The following FAM78B variants were observed in gnomAD, a reference collection of about 807,000 sequenced individuals.
The protein encoded by FAM78B is family with sequence similarity 78 member B, also known as protein FAM78B.
FAM78B carries 10 observed loss-of-function variants against 20.0 expected under a neutral mutation model. That is an observed-to-expected ratio of 0.50 (90% confidence interval 0.31 to 0.85). The LOEUF (loss-of-function observed/expected upper bound fraction) is 0.85. FAM78B is among the 40% of genes least tolerant of loss of function. The pLI is 0.05. For missense variants in FAM78B, 283 were observed against 345.0 expected (o/e 0.82, Z 1.42); for synonymous variants, 135 against 132.8 (o/e 1.02, Z -0.12).
chr1:166,081,709 GGCCC>G (rs1316103988), intron 1 of FAM78B, among the ~76,000 whole-genome samples: 1 of 152,140 alleles, frequency 6.6e-6, no homozygotes, highest in Admixed American at 6.5e-5. Context: ...ACAGGAGTAA[GGCCC>G]TGCTTATGCC....
intron 1 of FAM78B, among the ~76,000 whole-genome samples, chr1:166,112,114 G>C (rs990457371): frequency 4.6e-5 from 7 of 152,214 alleles, no homozygotes; most frequent in African/African-American, 1.4e-4. Context: ...AATTCTTGGG[G>C]TATATCTGTC....
At chr1:166,154,763 A>T (rs775467908) in intron 1 of FAM78B, 1 of 510,950 alleles carries the variant, frequency 2.0e-6, no homozygotes, top group Non-Finnish European at 4.0e-6. Flanking sequence ...AGGCCCATGG[A>T]CCTGAGTCTG....
intron 1 of FAM78B, among the ~76,000 whole-genome samples, chr1:166,109,205 C>T (rs921670164): frequency 1.1e-4 from 16 of 152,146 alleles, no homozygotes; most frequent in South Asian, 1.0e-3. Context: ...AAAGAACAGT[C>T]AGCAGAGTAA....
chr1:166,149,291 G>A (rs935345688), intron 1 of FAM78B, among the ~76,000 whole-genome samples: 1 of 152,146 alleles, frequency 6.6e-6, no homozygotes, highest in African/African-American at 2.4e-5. Context: ...TACATTCACT[G>A]AATTGAACTG....
intron 1 of FAM78B, among the ~76,000 whole-genome samples, chr1:166,094,173 C>G (rs1218295423): frequency 6.6e-6 from 1 of 152,008 alleles, no homozygotes; most frequent in East Asian, 1.9e-4. Flanking sequence ...GCCATCAGAA[C>G]AGATAGCACT....
intron 1 of FAM78B, among the ~76,000 whole-genome samples, chr1:166,086,767 G>A (rs1019578435): frequency 1.4e-4 from 22 of 152,158 alleles, no homozygotes; most frequent in African/African-American, 4.8e-4. Flanking sequence ...GTCTTACCAG[G>A]CAGATGCCAG....
intron 1 of FAM78B, among the ~76,000 whole-genome samples, chr1:166,085,322 C>G (rs1184960921): frequency 6.6e-6 from 1 of 152,124 alleles, no homozygotes; most frequent in African/African-American, 2.4e-5. Context: ...CTGGGCAGCT[C>G]AGGGGAAGGG....
intron 1 of FAM78B, among the ~76,000 whole-genome samples, chr1:166,138,512 G>A (rs756297790): frequency 2.0e-5 from 3 of 152,174 alleles, no homozygotes; most frequent in Non-Finnish European, 4.4e-5. Flanking sequence ...ACCATTGAGA[G>A]GAGGTCATGA....
chr1:166,149,410 A>C (rs9787239), intron 1 of FAM78B, among the ~76,000 whole-genome samples: 24 of 152,112 alleles, frequency 1.6e-4, no homozygotes, highest in African/African-American at 5.5e-4. Context: ...TCACCTGTAA[A>C]GTCAAGGAAG....
chr1:166,114,034 C>G (rs1354321749), intron 1 of FAM78B, among the ~76,000 whole-genome samples: 1 of 152,228 alleles, frequency 6.6e-6, no homozygotes, highest in Non-Finnish European at 1.5e-5. Context: ...CATGCAAATC[C>G]TTTACAAAAC....
At chr1:166,105,459 G>C (rs1339692890) in intron 1 of FAM78B, among the ~76,000 whole-genome samples, 1 of 152,116 alleles carries the variant, frequency 6.6e-6, no homozygotes, top group Non-Finnish European at 1.5e-5. Flanking sequence ...CTACTCATCT[G>C]ACAAAGGGCT....
chr1:166,062,062 C>T (rs545727890), intron 2 of FAM78B, among the ~76,000 whole-genome samples: 9 of 152,234 alleles, frequency 5.9e-5, no homozygotes, highest in Admixed American at 3.3e-4. Context: ...TTTAAATGCA[C>T]GTTTGGATTC....
intron 1 of FAM78B, among the ~76,000 whole-genome samples, chr1:166,082,294 G>A (rs1652614028): frequency 6.6e-6 from 1 of 152,162 alleles, no homozygotes; most frequent in Non-Finnish European, 1.5e-5. Context: ...TCCTCCCACT[G>A]GACTTGCTGG....
intron 1 of FAM78B, among the ~76,000 whole-genome samples, chr1:166,148,737 A>G (rs893659693): frequency 6.6e-6 from 1 of 152,242 alleles, no homozygotes; most frequent in Non-Finnish European, 1.5e-5. Context: ...TGACAAAGGG[A>G]GCTCATATCC....
intron 1 of FAM78B, among the ~76,000 whole-genome samples, chr1:166,093,093 G>C (rs1273641856): frequency 6.6e-6 from 1 of 152,132 alleles, no homozygotes; most frequent in Non-Finnish European, 1.5e-5. Context: ...CCTCAAAGGA[G>C]CCCTGAGAGA....
At chr1:166,056,378 T>C (rs558937369), downstream of FAM78B, among the ~76,000 whole-genome samples, 1 of 152,270 alleles carries the variant, frequency 6.6e-6, no homozygotes, top group South Asian at 2.1e-4. Flanking sequence ...AGAAGGGTCA[T>C]ATATCTTGTG....
chr1:166,123,503 C>T (rs1194130159), intron 1 of FAM78B, among the ~76,000 whole-genome samples: 2 of 152,254 alleles, frequency 1.3e-5, no homozygotes, highest in African/African-American at 2.4e-5. Context: ...AGAGTGACAT[C>T]TCTAAAACAC....
At chr1:166,136,847 C>A (rs1313406229) in intron 1 of FAM78B, among the ~76,000 whole-genome samples, 3 of 152,140 alleles carry the variant, frequency 2.0e-5, no homozygotes, top group Admixed American at 2.0e-4. Context: ...CTAGAAGATG[C>A]CTGATGGGGA....
intron 1 of FAM78B, among the ~76,000 whole-genome samples, chr1:166,100,953 A>G (rs576744381): frequency 1.3e-5 from 2 of 152,326 alleles, no homozygotes; most frequent in South Asian, 4.1e-4. Context: ...AGTAGGGGCA[A>G]ACTGACACCT....
Sources: allele counts gnomAD v4.1 joint callset (sites outside exome capture counted in the v4.1 genomes callset), GRCh38; gene constraint gnomAD v4.1.1; transcripts MANE v1.5; gene names NCBI Gene and HGNC (gene_info 2026-07-23, HGNC 2026-07-21).